Variants in DNM1 observed in about 807,000 individuals in gnomAD.
DNM1 encodes dynamin-1.
A neutral mutation model predicts 104.6 loss-of-function variants in DNM1; 29 were observed. The observed-to-expected ratio is 0.28, with a 90% confidence interval of 0.21 to 0.38. The LOEUF (loss-of-function observed/expected upper bound fraction) is 0.38, where lower values mean the gene tolerates loss of function less well. Ranked by LOEUF, DNM1 falls within the 10% of genes least tolerant of loss-of-function variation. The pLI is 1.00. For synonymous variants in DNM1, 445 were observed against 475.8 expected, an observed-to-expected ratio of 0.94 and a Z score of 0.84; for missense variants, 640 against 1,189.4, an observed-to-expected ratio of 0.54 and a Z score of 6.79.
rs975980737 is a variant in DNM1 at position 128,205,056 on chromosome 9, G to C, written c.161+1425G>C. On this transcript the variant is annotated intron_variant, in intron 1 of 21. Transcript: ENST00000372923. ...GTGGGACGTTGGAAGGCCACCGTGG[G>C]GGCGGCCGTGCCCATCTGGTCAGCA... 2.0e-5 allele frequency among the ~76,000 whole-genome samples: 3 copies of C among 152,124 alleles called. 1 individual carries two copies. The highest frequency in any genetic ancestry group is 2.0e-4 in the Admixed American group (3 of 15,274).
chr9:128,244,266 G>T (rs1420178547), intron 15 of DNM1, among the ~76,000 whole-genome samples: 3 of 151,938 alleles, frequency 2.0e-5, no homozygotes. Context: ...GCATGCACTT[G>T]TGTGTGTCCG....
chr9:128,207,742 G>A (rs1035490649), intron 1 of DNM1, among the ~76,000 whole-genome samples: 1 of 152,198 alleles, frequency 6.6e-6, no homozygotes, highest in Non-Finnish European at 1.5e-5. Flanking sequence ...TATGGTGAGT[G>A]TTGAAACAAT....
Position 128,219,095 on chromosome 9 carries a change from G to A in DNM1, c.432G>A (p.Pro144=). The A allele has an allele frequency of 6.2e-7, 1 of 1,614,124 alleles. No homozygotes were observed. Among genetic ancestry groups the A allele is most frequent in the Non-Finnish European group, 8.5e-7 (1 of 1,180,036 alleles). The part of the protein sequence containing the change: ...LVDLPGMTKV[P]VGDQPPDIEF... ...ACCTGCCCGGAATGACCAAGGTCCC[G>A]GTGGGGGACCAACCTCCCGACATCG... is the stretch of plus-strand genomic sequence containing the variant. Residue 144 remains proline (P), a synonymous_variant, in exon 4 of 22, where the codon CCG becomes CCA. Transcript: ENST00000372923.
Position 128,220,742 on chromosome 9 carries a change from C to CGCGCGCGTGT in DNM1, c.849+402_849+403insCGCGCGTGTG, listed in dbSNP as rs61020870. On this transcript the variant is annotated intron_variant, in intron 6 of 21. Transcript: ENST00000372923. The surrounding 1 kb of genome is among the most constrained non-coding windows in gnomAD (Gnocchi z 5.2). ...CAGAACTGAAGTGCGCGCGCGCGCG[C>CGCGCGCGTGT]GTGTGTGTGTGTGTGTGTGTGTGTG... 0.027 allele frequency among the ~76,000 whole-genome samples: 3,739 copies of CGCGCGCGTGT among 136,066 alleles called. 76 individuals carry two copies. The highest frequency in any genetic ancestry group is 0.074 in the South Asian group (261 of 3,510). The allele number at this position is 136,066 out of a possible 152,430, so 89.3% of individuals were successfully genotyped here.
At chr9:128,226,075 G>C in intron 10 of DNM1, 1 of 1,612,772 alleles carries the variant, frequency 6.2e-7, no homozygotes, top group Non-Finnish European at 8.5e-7. Context: ...TGAAGCCACA[G>C]TGAAAAAGCA....
chr9:128,222,763 G>T lies in DNM1; in HGVS notation c.1129-30G>T. 6.2e-7 allele frequency: 1 copy of T among 1,613,654 alleles called. No homozygotes were observed. The highest frequency in any genetic ancestry group is 1.1e-5 in the South Asian group (1 of 90,950). On this transcript the variant is annotated intron_variant, in intron 8 of 21. Coordinates refer to ENST00000372923, the MANE Select transcript of DNM1 (RefSeq NM_004408.4). The surrounding 1 kb of genome is among the most constrained non-coding windows in gnomAD (Gnocchi z 7.8). Reference sequence around the variant, plus strand: ...CCTCCCAGGTAGTAGGACAGGCCCTGACCAGGCTTTTCTCTGCTTTTCTAC... The same window carrying T: ...CCTCCCAGGTAGTAGGACAGGCCCTTACCAGGCTTTTCTCTGCTTTTCTAC...
Position 128,218,661 on chromosome 9 carries a change from C to T in DNM1, c.315C>T (p.Thr105=). Residue 105 remains threonine (T), a synonymous_variant, in exon 3 of 22, where the codon ACC becomes ACT. Coordinates refer to ENST00000372923, the MANE Select transcript of DNM1 (RefSeq NM_004408.4). This position sits in a 1 kb window ranked among gnomAD's most constrained non-coding sequence, Gnocchi z 4.8. The part of the protein sequence containing the change: ...EEVRLEIEAE[T]DRVTGTNKGI... Reference sequence around the variant, plus strand: ...TGCGCCTTGAGATCGAGGCCGAGACCGACAGGGTCACCGGCACCAACAAGG... The same window carrying T: ...TGCGCCTTGAGATCGAGGCCGAGACTGACAGGGTCACCGGCACCAACAAGG... 6.2e-7 allele frequency: 1 copy of T among 1,613,414 alleles called. No homozygotes were observed. The highest frequency in any genetic ancestry group is 1.7e-5 in the Admixed American group (1 of 59,968).
Position 128,247,249 on chromosome 9 carries a change from C to T in DNM1, c.1782-126C>T, listed in dbSNP as rs535220475. On this transcript the variant is annotated intron_variant, in intron 16 of 21. Coordinates refer to ENST00000372923, the MANE Select transcript of DNM1 (RefSeq NM_004408.4). This position sits in a 1 kb window ranked among gnomAD's most constrained non-coding sequence, Gnocchi z 5.1. ...TGAGGCTGAGAGGAAGGGACTTGCACAGGGTCACACAGCTGGGAAATGAGC... is the reference window on the plus strand; with the variant it reads ...TGAGGCTGAGAGGAAGGGACTTGCATAGGGTCACACAGCTGGGAAATGAGC... 1 of 596,830 alleles carries T rather than the reference C, an allele frequency of 1.7e-6. No individual in the cohort carries two copies. Among genetic ancestry groups the T allele is most frequent in the Non-Finnish European group, 3.0e-6 (1 of 328,908 alleles). 37.0% of individuals were successfully genotyped at this position (596,830 alleles called of 1,614,324 possible). A position where few individuals can be genotyped will look rare whatever the true frequency, so the allele number is the denominator to read the frequency against.
chr9:128,233,139 C>T (rs964660697), intron 10 of DNM1, among the ~76,000 whole-genome samples: 3 of 152,214 alleles, frequency 2.0e-5, no homozygotes, highest in African/African-American at 4.8e-5. Flanking sequence ...CAGAGGGGGA[C>T]GGGTTTGGAG....
Position 128,247,798 on chromosome 9 carries a change from TAGCCTGAG to T in DNM1, c.1894-123_1894-116del. 7 of 1,260,246 alleles carry T rather than the reference TAGCCTGAG, an allele frequency of 5.6e-6. No homozygotes were observed. The highest frequency in any genetic ancestry group is 6.7e-6 in the Non-Finnish European group (6 of 894,804). The allele number at this position is 1,260,246 out of a possible 1,614,324, so 78.1% of individuals were successfully genotyped here. ...TATTTCACTGTGGCGATGTCTAGAG[TAGCCTGAG>T]AGTTGGGGTGCAGTATCCCAGGTTC... On this transcript the variant is annotated intron_variant, in intron 17 of 21. Transcript: ENST00000372923. This position sits in a 1 kb window ranked among gnomAD's most constrained non-coding sequence, Gnocchi z 5.1.
Position 128,248,524 on chromosome 9 carries a change from A to G in DNM1, c.1906-59A>G. 6.3e-7 allele frequency: 1 copy of G among 1,583,348 alleles called. No individual in the cohort carries two copies. On this transcript the variant is annotated intron_variant, in intron 18 of 21. Transcript: ENST00000372923. This position sits in a 1 kb window ranked among gnomAD's most constrained non-coding sequence, Gnocchi z 5.6. ...CCTTGGAGGGGCTGAGATCCTGGGG[A>G]TGCCTGGAGCCTGGCTGCATGGCCT...
intron 1 of DNM1, among the ~76,000 whole-genome samples, chr9:128,212,089 A>G (rs189677828): frequency 2.0e-5 from 3 of 152,352 alleles, no homozygotes; most frequent in African/African-American, 4.8e-5. Flanking sequence ...GCTGTAGCAC[A>G]TAAAGCACCC....
At position 128,222,335 on chromosome 9, in the gene DNM1, C is replaced by T; in HGVS notation, c.988C>T (p.Leu330=). Residue 330 remains leucine (L), a synonymous_variant, in exon 7 of 22, where the codon CTG becomes TTG. Transcript: ENST00000372923. The surrounding 1 kb of genome is among the most constrained non-coding windows in gnomAD (Gnocchi z 7.8). Reference sequence around the variant, plus strand: ...CCCAGCTCGCAAGACCAAGGCCCTGCTGCAGTGAGGCTCCCCCAGCTCCTA... The same window carrying T: ...CCCAGCTCGCAAGACCAAGGCCCTGTTGCAGTGAGGCTCCCCCAGCTCCTA... The part of the protein sequence containing the change: ...DDPARKTKAL[L]QMVQQFAVDF... 6.2e-7 allele frequency: 1 copy of T among 1,612,876 alleles called. No homozygotes were observed. Among genetic ancestry groups the T allele is most frequent in the Non-Finnish European group, 8.5e-7 (1 of 1,179,278 alleles).
At position 128,239,990 on chromosome 9, in the gene DNM1, G is replaced by A. The variant is rs1836264346; in HGVS notation, c.1551G>A (p.Glu517=). The A allele has an allele frequency of 6.2e-7, 1 of 1,614,170 alleles. No homozygotes were observed. Among genetic ancestry groups the A allele is most frequent in the African/African-American group, 1.3e-5 (1 of 75,042 alleles). ...NKKKTSGNQD[E]ILVIRKGWLT... is the part of the protein sequence containing the mutation. The stretch of plus-strand genomic sequence containing the variant: ...CTATGGTTACCTCTTTGCAGGATGA[G>A]ATTCTGGTGAGTACCAGGACTGGGG... The change falls in exon 14 of 22, where the codon GAG becomes GAA. Residue 517 remains glutamate (E), a synonymous_variant. Transcript: ENST00000372923.
intron 1 of DNM1, among the ~76,000 whole-genome samples, chr9:128,206,948 G>C (rs997812646): frequency 5.3e-5 from 8 of 152,220 alleles, no homozygotes; most frequent in African/African-American, 1.7e-4. Flanking sequence ...AGTGGGCAGG[G>C]GGTAGTGGGG....
At position 128,219,844 on chromosome 9, in the gene DNM1, CTG is replaced by C. The variant is rs990459787; in HGVS notation, c.590-141_590-140del. 1.9e-5 allele frequency: 11 copies of C among 588,958 alleles called. No individual in the cohort carries two copies. The African/African-American group carries it at 2.0e-4, about 11-fold the overall frequency. 36.5% of individuals were successfully genotyped at this position (588,958 alleles called of 1,614,324 possible). On this transcript the variant is annotated intron_variant, in intron 4 of 21. Transcript: ENST00000372923. Reference sequence around the variant, plus strand: ...ATAAATAAAAATCATTTTGGCTACTCTGTGGAAAATGAATAAGGGGGAAAGAG... The same window carrying C: ...ATAAATAAAAATCATTTTGGCTACTCTGGAAAATGAATAAGGGGGAAAGAG...
intron 15 of DNM1, chr9:128,244,856 A>C (rs878943628): frequency 1.9e-6 from 1 of 516,220 alleles, no homozygotes; most frequent in Non-Finnish European, 4.0e-6. Context: ...GTGTCTGTCC[A>C]TCCGGTGGGC....
At chr9:128,237,600 C>A (rs1836096062) in intron 11 of DNM1, among the ~76,000 whole-genome samples, 1 of 151,888 alleles carries the variant, frequency 6.6e-6, no homozygotes, top group Non-Finnish European at 1.5e-5. Context: ...CTGCAGGGTG[C>A]TTTCTTGTCT....
intron 1 of DNM1, among the ~76,000 whole-genome samples, chr9:128,208,140 A>G (rs1834084745): frequency 4.6e-5 from 7 of 151,174 alleles, no homozygotes; most frequent in Admixed American, 4.6e-4. Context: ...GCTCACTGCA[A>G]CCTCCACCTC....
Sources: gnomAD v4.1 joint callset for allele counts (sites outside exome capture counted in the v4.1 genomes callset) on GRCh38, gnomAD v4.1.1 for gene constraint, Gnocchi (gnomAD v3.1) non-coding constraint, MANE v1.5 for transcripts, NCBI Gene and HGNC (gene_info 2026-07-23, HGNC 2026-07-21) for gene names.